CDC14B: variants seen among roughly 807,000 people sequenced by gnomAD.
CDC14B encodes cell division cycle 14B, also known as dual specificity protein phosphatase CDC14B.
Under a neutral mutation model 64.2 loss-of-function variants are expected in CDC14B, and 22 were observed. The ratio of observed to expected loss-of-function variants is 0.34; its 90% CI spans 0.24 to 0.49. CDC14B has a LOEUF of 0.49. Among genes scored for constraint, CDC14B ranks in the 20% least tolerant of loss-of-function variants. The pLI is 0.99. For missense variants in CDC14B, 498 were observed against 629.9 expected (o/e 0.79, Z 2.24); for synonymous variants, 191 against 215.8 (o/e 0.89, Z 1.01).
intron 7 of CDC14B, among the ~76,000 whole-genome samples, chr9:96,535,322 A>T (rs1431577144): frequency 1.3e-5 from 2 of 152,124 alleles, no homozygotes; most frequent in Admixed American, 6.6e-5. Flanking sequence ...AACAAAAATT[A>T]AAAAAATAAA....
intron 1 of CDC14B, among the ~76,000 whole-genome samples, chr9:96,601,401 G>A (rs560632622): frequency 2.3e-4 from 35 of 150,822 alleles, no homozygotes; most frequent in African/African-American, 7.3e-4. Context: ...GGAGGCTGAG[G>A]CAGGAGAATT....
intron 9 of CDC14B, among the ~76,000 whole-genome samples, chr9:96,530,158 A>G (rs1003900831): frequency 7.2e-5 from 11 of 152,054 alleles, no homozygotes; most frequent in African/African-American, 2.7e-4. Context: ...TTTCTTTTTT[A>G]TATTTTTATT....
At chr9:96,600,164 G>T (rs1173892796) in intron 1 of CDC14B, among the ~76,000 whole-genome samples, 3 of 151,850 alleles carry the variant, frequency 2.0e-5, no homozygotes, top group African/African-American at 7.3e-5. Context: ...GTAGGCCGAG[G>T]TGGGAGAATC....
chr9:96,558,035 A>T (rs1842706883), intron 4 of CDC14B, among the ~76,000 whole-genome samples: 1 of 152,246 alleles, frequency 6.6e-6, no homozygotes, highest in South Asian at 2.1e-4. Flanking sequence ...TGTGGCAGGA[A>T]GATGTAACCA....
intron 11 of CDC14B, 26 bp from the exon 12 acceptor site, chr9:96,522,629 T>A: frequency 6.9e-7 from 1 of 1,453,726 alleles, no homozygotes. Flanking sequence ...AACACTGAGC[T>A]AATGATTTAA....
intron 9 of CDC14B, among the ~76,000 whole-genome samples, chr9:96,527,383 A>G (rs1283697422): frequency 2.0e-5 from 3 of 152,188 alleles, no homozygotes; most frequent in African/African-American, 7.2e-5. Context: ...TAGGCGACAG[A>G]GCAAGACTCC....
downstream of CDC14B, among the ~76,000 whole-genome samples, chr9:96,499,054 T>G (rs1266668096): frequency 6.6e-6 from 1 of 152,210 alleles, no homozygotes; most frequent in Non-Finnish European, 1.5e-5. Flanking sequence ...TTCACGGAGC[T>G]GCGTGGTGGC....
Position 96,522,597 on chromosome 9 carries a change from C to T in CDC14B, c.1252G>A (p.Asp418Asn). 2 of 1,604,970 alleles carry T rather than the reference C, an allele frequency of 1.2e-6. No homozygotes were observed. Among genetic ancestry groups the T allele is most frequent in the Non-Finnish European group, 1.7e-6 (2 of 1,171,628 alleles). ...GTCACTCCATTGATTTCGTCATCAT[C>T]ACTGTACTGTGTAAGTAAAAAAACA... ...QDQQEPEPYSDDDEINGVTQG... is the reference protein window; with the variant it reads ...QDQQEPEPYSNDDEINGVTQG... The change falls in exon 12 of 14, where the codon GAT becomes AAT. Residue 418 changes from aspartate to asparagine, a missense_variant. Physicochemically the swap from Asp to Asn is conservative, Grantham distance 23. Coordinates refer to ENST00000375241, the MANE Select transcript of CDC14B (RefSeq NM_033331.4).
intron 1 of CDC14B, among the ~76,000 whole-genome samples, chr9:96,583,861 G>A (rs1026208787): frequency 6.6e-6 from 1 of 152,160 alleles, no homozygotes; most frequent in Admixed American, 6.5e-5. Flanking sequence ...TGGGACTACA[G>A]GCGTCTACCA....
chr9:96,508,551 T>C (rs1235415096), intron 13 of CDC14B, among the ~76,000 whole-genome samples: 1 of 152,218 alleles, frequency 6.6e-6, no homozygotes, highest in Admixed American at 6.5e-5. Flanking sequence ...ATAGGAATAT[T>C]TGGTACATTT....
At chr9:96,526,512 C>T (rs1019215804) in intron 9 of CDC14B, among the ~76,000 whole-genome samples, 2 of 152,158 alleles carry the variant, frequency 1.3e-5, no homozygotes, top group African/African-American at 4.8e-5. Context: ...CTTCTAGCCT[C>T]CAGAACTGTG....
chr9:96,494,990 A>G (rs947109531), intron 13 of CDC14B, among the ~76,000 whole-genome samples: 3 of 150,992 alleles, frequency 2.0e-5, no homozygotes, highest in Admixed American at 6.6e-5. Flanking sequence ...ACCTGCCACC[A>G]CGCCCGGCTA....
intron 9 of CDC14B, among the ~76,000 whole-genome samples, chr9:96,526,001 T>C (rs902155998): frequency 6.6e-6 from 1 of 152,128 alleles, no homozygotes; most frequent in Non-Finnish European, 1.5e-5. Context: ...TATTTGCAGA[T>C]AAGGCCTTTA....
chr9:96,616,464 G>A (rs1476372786), intron 1 of CDC14B, among the ~76,000 whole-genome samples: 3 of 152,196 alleles, frequency 2.0e-5, no homozygotes, highest in Non-Finnish European at 4.4e-5. Context: ...GAAGGCTCAC[G>A]CCTGTAATCC....
chr9:96,573,891 T>C (rs1467518714), intron 1 of CDC14B, among the ~76,000 whole-genome samples: 2 of 152,162 alleles, frequency 1.3e-5, no homozygotes, highest in East Asian at 1.9e-4. Context: ...CTCATGCCTG[T>C]AATCCCAGCA....
In CDC14B at chr9:96,503,671, T is replaced by C; in HGVS notation, c.*82A>G. On this transcript the variant is annotated 3_prime_UTR_variant, in exon 14 of 14. Transcript: ENST00000375241. ...AAAGCAACTAAGGCTTTTGCAATTT[T>C]GTTTTGTTTTCAAATTGTGCTAATT... The C allele has an allele frequency of 7.8e-7, 1 of 1,279,410 alleles. No individual in the cohort carries two copies. The highest frequency in any genetic ancestry group is 1.3e-5 in the South Asian group (1 of 79,128). The allele number at this position is 1,279,410 out of a possible 1,614,324, so 79.3% of individuals were successfully genotyped here.
downstream of CDC14B, among the ~76,000 whole-genome samples, chr9:96,495,187 CT>C (rs1175548400): frequency 2.0e-5 from 3 of 152,134 alleles, no homozygotes; most frequent in Non-Finnish European, 2.9e-5. Context: ...AATTACATAA[CT>C]TTGGGAGCTC....
intron 6 of CDC14B, among the ~76,000 whole-genome samples, chr9:96,540,776 T>C (rs953557830): frequency 6.6e-6 from 1 of 152,146 alleles, no homozygotes. Flanking sequence ...TTTACACCTG[T>C]TGCCCTTTGG....
At chr9:96,536,503 G>A (rs1007011141) in intron 7 of CDC14B, among the ~76,000 whole-genome samples, 1 of 152,144 alleles carries the variant, frequency 6.6e-6, no homozygotes, top group African/African-American at 2.4e-5. Flanking sequence ...TTAAATGTAC[G>A]TTGTACTTTA....
Sources: allele counts gnomAD v4.1 joint callset (sites outside exome capture counted in the v4.1 genomes callset), GRCh38; gene constraint gnomAD v4.1.1; transcripts MANE v1.5; gene names NCBI Gene and HGNC (gene_info 2026-07-23, HGNC 2026-07-21).